The following NOP9 variants were observed in gnomAD, a reference collection of about 807,000 sequenced individuals.
NOP9 encodes nucleolar protein 9.
Under a neutral mutation model 63.0 loss-of-function variants are expected in NOP9, and 50 were observed. That is an observed-to-expected ratio of 0.79 (90% CI 0.63 to 1.00). The LOEUF (loss-of-function observed/expected upper bound fraction) is 1.00. NOP9 is among the 50% of genes least tolerant of loss of function. The pLI is 0.00. For missense variants in NOP9, 758 were observed against 803.0 expected (o/e 0.94, Z 0.68); for synonymous variants, 343 against 332.8 (o/e 1.03, Z -0.33).
At chr14:24,272,663 A>T in the NOP9 span, among the ~76,000 whole-genome samples, 2 of 152,198 alleles carry the variant, frequency 1.3e-5, no homozygotes, top group African/African-American at 4.8e-5. Context: ...TCAGGATAGA[A>T]TTGTAATCTC....
At chr14:24,272,993 T>C in the NOP9 span, among the ~76,000 whole-genome samples, 12 of 152,306 alleles carry the variant, frequency 7.9e-5, no homozygotes, top group African/African-American at 2.9e-4. Context: ...TTTTAAAGAC[T>C]GTGATTTTTT....
rs2041408488 is a variant in NOP9 at position 24,303,191 on chromosome 14, A to C, written c.1261A>C (p.Lys421Gln). 6.2e-7 allele frequency: 1 copy of C among 1,613,978 alleles called. No individual in the cohort carries two copies. Among genetic ancestry groups the C allele is most frequent in the African/African-American group, 1.3e-5 (1 of 74,902 alleles). The change falls in exon 6 of 10, where the codon AAG becomes CAG. Residue 421 changes from lysine to glutamine, a missense_variant. Coordinates refer to ENST00000267425, the MANE Select transcript of NOP9 (RefSeq NM_174913.3). ...ACRRVGAYQAKVLQLLLEAFH... is the reference protein window; with the variant it reads ...ACRRVGAYQAQVLQLLLEAFH... ...TCGCAGAGTTGGGGCCTACCAAGCC[A>C]AGGTCCTACAGCTCTTGTTGGAGGT... is the stretch of plus-strand genomic sequence containing the variant.
Position 24,306,031 on chromosome 14 carries a change from C to T in NOP9, c.*936C>T. On this transcript the variant is annotated 3_prime_UTR_variant, in exon 10 of 10. Transcript: ENST00000267425. Reference sequence around the variant, plus strand: ...GAATGTGGCTTTGACATTCAGGCTGCCAAAGAGGTCTCGAGGGTTTTGCTT... The same window carrying T: ...GAATGTGGCTTTGACATTCAGGCTGTCAAAGAGGTCTCGAGGGTTTTGCTT... 1 of 1,614,140 alleles carries T rather than the reference C, an allele frequency of 6.2e-7. No individual in the cohort carries two copies. Among genetic ancestry groups the T allele is most frequent in the African/African-American group, 1.3e-5 (1 of 75,034 alleles).
In NOP9 at chr14:24,305,283, G is replaced by A; in HGVS notation, c.*188G>A. ...TCTCAAGGTAAAGTCAGAGAGGGCTGTCATCAGTATGCTGGGGAGTTTAGG... is the reference window on the plus strand; with the variant it reads ...TCTCAAGGTAAAGTCAGAGAGGGCTATCATCAGTATGCTGGGGAGTTTAGG... On this transcript the variant is annotated 3_prime_UTR_variant, in exon 10 of 10. Coordinates refer to ENST00000267425, the MANE Select transcript of NOP9 (RefSeq NM_174913.3). 1 of 635,138 alleles carries A rather than the reference G, an allele frequency of 1.6e-6. No individual in the cohort carries two copies. 39.3% of individuals were successfully genotyped at this position (635,138 alleles called of 1,614,324 possible).
the NOP9 span, chr14:24,290,677 A>G: frequency 1.6e-6 from 1 of 642,188 alleles, no homozygotes; most frequent in East Asian, 2.8e-5. Flanking sequence ...AGGACAAGGA[A>G]AACCAAGGCA....
At chr14:24,299,842 A>G (rs1594614978), upstream of NOP9, 1 of 1,344,224 alleles carries the variant, frequency 7.4e-7, no homozygotes. Flanking sequence ...TAGCTGCGTC[A>G]GGAGCGCGCC....
chr14:24,307,205 T>G lies in NOP9; in HGVS notation c.*2110T>G. On this transcript the variant is annotated 3_prime_UTR_variant, in exon 10 of 10. Transcript: ENST00000267425. Reference sequence around the variant, plus strand: ...ATAGAAAAGCTCACTCGGTGGAAAATGAACAAATTGACCAGAGCTCATTAG... The same window carrying G: ...ATAGAAAAGCTCACTCGGTGGAAAAGGAACAAATTGACCAGAGCTCATTAG... 1.5e-6 allele frequency: 1 copy of G among 671,896 alleles called. No individual in the cohort carries two copies. The allele number at this position is 671,896 out of a possible 1,614,324, so 41.6% of individuals were successfully genotyped here. A position where few individuals can be genotyped will look rare whatever the true frequency, so the allele number is the denominator to read the frequency against.
chr14:24,292,589 C>T, the NOP9 span: 1 of 1,613,534 alleles, frequency 6.2e-7, no homozygotes, highest in Non-Finnish European at 8.5e-7. Context: ...GATTGTACCT[C>T]CTGAGCTATA....
chr14:24,302,519 G>T, intron 5 of NOP9, 95 bp downstream of exon 5: 1 of 1,236,622 alleles, frequency 8.1e-7, no homozygotes, highest in Non-Finnish European at 1.1e-6. Context: ...CTTTGACATT[G>T]TGCTGGCCAT....
chr14:24,289,333 C>T, the NOP9 span, among the ~76,000 whole-genome samples: 169 of 152,204 alleles, frequency 1.1e-3, no homozygotes, highest in African/African-American at 3.9e-3. Context: ...CCCTATGTTG[C>T]CCAGGTTGGT....
At chr14:24,283,625 C>T in the NOP9 span, among the ~76,000 whole-genome samples, 1 of 152,204 alleles carries the variant, frequency 6.6e-6, no homozygotes, top group East Asian at 1.9e-4. Context: ...AAATAAAGGA[C>T]AGAGCCCTAA....
chr14:24,280,574 A>G, the NOP9 span, among the ~76,000 whole-genome samples: 2 of 152,248 alleles, frequency 1.3e-5, no homozygotes, highest in East Asian at 3.8e-4. Flanking sequence ...TAACGTTAAC[A>G]TAATTTAGCC....
the NOP9 span, among the ~76,000 whole-genome samples, chr14:24,288,580 C>T: frequency 4.6e-5 from 7 of 152,138 alleles, no homozygotes; most frequent in Admixed American, 1.3e-4. Flanking sequence ...GAACTCCTGG[C>T]CTCGTGATCT....
chr14:24,276,277 T>C, the NOP9 span, among the ~76,000 whole-genome samples: 2 of 150,224 alleles, frequency 1.3e-5, no homozygotes, highest in African/African-American at 4.9e-5. Flanking sequence ...CATGGGAGGC[T>C]GAGGCAGGAG....
rs1229471646 is a variant in NOP9 at position 24,307,535 on chromosome 14, G to T, written c.*2440G>T. ...ACTGACCTGGTAGTTGAGAAGAAAAGTCAAGAAGGGGCGAGGAGGGGCTTG... is the reference window on the plus strand; with the variant it reads ...ACTGACCTGGTAGTTGAGAAGAAAATTCAAGAAGGGGCGAGGAGGGGCTTG... On this transcript the variant is annotated 3_prime_UTR_variant, in exon 10 of 10. Transcript: ENST00000267425. The T allele has an allele frequency of 1.9e-6, 3 of 1,610,458 alleles. No individual in the cohort carries two copies. The East Asian group carries it at 6.7e-5, about 36-fold the overall frequency.
chr14:24,277,078 G>C, the NOP9 span, among the ~76,000 whole-genome samples: 1 of 152,160 alleles, frequency 6.6e-6, no homozygotes, highest in South Asian at 2.1e-4. Context: ...GGATGGAGAA[G>C]GACTATTTCT....
Position 24,303,124 on chromosome 14 carries a change from C to T in NOP9, c.1194C>T (p.Ala398=). The change falls in exon 6 of 10, where the codon GCC becomes GCT. Residue 398 remains alanine (A), a synonymous_variant. Transcript: ENST00000267425. ...GCCCTGTCTTGGAAGCTGTATTGGCCCAGGGCCACCCAGGGGTAGTCATTG... is the reference window on the plus strand; with the variant it reads ...GCCCTGTCTTGGAAGCTGTATTGGCTCAGGGCCACCCAGGGGTAGTCATTG... ...ELSPVLEAVL[A]QGHPGVVIAL... 1 of 1,609,714 alleles carries T rather than the reference C, an allele frequency of 6.2e-7. No individual in the cohort carries two copies. Among genetic ancestry groups the T allele is most frequent in the South Asian group, 1.1e-5 (1 of 90,474 alleles).
At chr14:24,304,758 T>G (rs2139133651) in intron 9 of NOP9, among the ~76,000 whole-genome samples, 160 bp downstream of exon 9, 1 of 152,360 alleles carries the variant, frequency 6.6e-6, no homozygotes, top group South Asian at 2.1e-4. Context: ...TCCCTCCCGC[T>G]GACTGATTGT....
upstream of NOP9, chr14:24,296,970 A>T: frequency 1.3e-6 from 2 of 1,570,480 alleles, no homozygotes; most frequent in South Asian, 2.2e-5. Flanking sequence ...TTGAGAACTG[A>T]GAAGACAATC....
Sources: gnomAD v4.1 joint callset for allele counts (sites outside exome capture counted in the v4.1 genomes callset) on GRCh38, gnomAD v4.1.1 for gene constraint, MANE v1.5 for transcripts, NCBI Gene and HGNC (gene_info 2026-07-23, HGNC 2026-07-21) for gene names.